Variants in XKR4 observed in about 807,000 individuals in gnomAD.
The protein encoded by XKR4 is XK related 4.
XKR4 carries 12 observed loss-of-function variants against 53.9 expected under a neutral mutation model. The ratio of observed to expected loss-of-function variants is 0.22; its 90% CI spans 0.14 to 0.36. The LOEUF (loss-of-function observed/expected upper bound fraction) is 0.36. Among genes scored for constraint, XKR4 ranks in the 10% least tolerant of loss-of-function variants. The pLI is 1.00. For missense variants in XKR4, 799 were observed against 859.5 expected (o/e 0.93, Z 0.88); for synonymous variants, 354 against 362.4 (o/e 0.98, Z 0.26).
At chr8:55,111,370 C>T (rs1450903148) in intron 1 of XKR4, among the ~76,000 whole-genome samples, 1 of 152,116 alleles carries the variant, frequency 6.6e-6, no homozygotes, top group Admixed American at 6.6e-5. Context: ...TTTTCACTTG[C>T]CTAGTACCTA....
At chr8:55,129,429 C>T (rs1444051227) in intron 1 of XKR4, among the ~76,000 whole-genome samples, 1 of 152,208 alleles carries the variant, frequency 6.6e-6, no homozygotes, top group Non-Finnish European at 1.5e-5. Context: ...GTTACAGTTA[C>T]ATTTCAGTTT....
chr8:55,472,929 T>A (rs1805912492), intron 2 of XKR4, among the ~76,000 whole-genome samples: 1 of 152,006 alleles, frequency 6.6e-6, no homozygotes, highest in Non-Finnish European at 1.5e-5. Context: ...CTTCTAATTT[T>A]TATACTTTCC....
intron 2 of XKR4, among the ~76,000 whole-genome samples, chr8:55,484,909 A>C (rs1040197109): frequency 2.0e-5 from 3 of 152,192 alleles, no homozygotes; most frequent in Non-Finnish European, 2.9e-5. Context: ...TCAGTCCCAG[A>C]CTGGGACTAT....
At chr8:55,187,389 CT>C (rs1174291012) in intron 1 of XKR4, among the ~76,000 whole-genome samples, 1 of 149,750 alleles carries the variant, frequency 6.7e-6, no homozygotes, top group Non-Finnish European at 1.5e-5. Context: ...CATAGATACA[CT>C]AAAAAGTGGG....
chr8:55,283,430 T>C (rs2129374207), intron 1 of XKR4, among the ~76,000 whole-genome samples: 1 of 152,354 alleles, frequency 6.6e-6, no homozygotes, highest in South Asian at 2.1e-4. Flanking sequence ...GTCAACTTTG[T>C]ACATTAACAC....
At chr8:55,283,571 T>C (rs1299238258) in intron 1 of XKR4, among the ~76,000 whole-genome samples, 2 of 152,232 alleles carry the variant, frequency 1.3e-5, no homozygotes, top group Non-Finnish European at 2.9e-5. Context: ...AGCACTCGAA[T>C]AGAAACCACC....
At chr8:55,339,144 G>A (rs932534607) in intron 1 of XKR4, among the ~76,000 whole-genome samples, 1 of 152,152 alleles carries the variant, frequency 6.6e-6, no homozygotes, top group Admixed American at 6.5e-5. Flanking sequence ...AATTTTCCTG[G>A]ACTGGAAACG....
rs536923279 is a variant in XKR4 at position 55,394,513 on chromosome 8, C to T, written c.1006+36636C>T. Among the ~76,000 whole-genome samples, 72 of 152,196 alleles carry T rather than the reference C, an allele frequency of 4.7e-4. 1 individual carries two copies. Among genetic ancestry groups the T allele is most frequent in the African/African-American group, 1.5e-3 (63 of 41,528 alleles). On this transcript the variant is annotated intron_variant, in intron 2 of 2. Transcript: ENST00000327381. ...AATAAGACATGGTTTTGACTTACAC[C>T]GTACACTGATTCATAGAACAAATAA...
chr8:55,208,761 A>G (rs972029432), intron 1 of XKR4, among the ~76,000 whole-genome samples: 1 of 152,094 alleles, frequency 6.6e-6, no homozygotes, highest in African/African-American at 2.4e-5. Flanking sequence ...CACCACACCC[A>G]GCCTAGTTTG....
intron 2 of XKR4, among the ~76,000 whole-genome samples, chr8:55,399,363 CTCTT>C (rs1169874606): frequency 6.6e-6 from 1 of 152,236 alleles, no homozygotes; most frequent in Non-Finnish European, 1.5e-5. Context: ...CTTACAGTCA[CTCTT>C]TCTGGAATGC....
chr8:55,516,172 G>A (rs1369975569), intron 2 of XKR4, among the ~76,000 whole-genome samples: 2 of 152,118 alleles, frequency 1.3e-5, no homozygotes, highest in African/African-American at 4.8e-5. Flanking sequence ...CCCAACAAAT[G>A]CTTGTTCCTT....
intron 2 of XKR4, among the ~76,000 whole-genome samples, chr8:55,364,635 GT>G (rs367829570): frequency 1.3e-5 from 2 of 151,608 alleles, no homozygotes; most frequent in Non-Finnish European, 2.9e-5. Flanking sequence ...TTTTGTTGGG[GT>G]TTTTTTTGTT....
chr8:55,309,179 C>T (rs1042901860), intron 1 of XKR4, among the ~76,000 whole-genome samples: 5 of 152,184 alleles, frequency 3.3e-5, no homozygotes, highest in African/African-American at 9.6e-5. Flanking sequence ...TGTGGAAATT[C>T]ATTACAGCAG....
chr8:55,504,187 TTTTTGTTTTGTTTTG>T (rs34175312), intron 2 of XKR4, among the ~76,000 whole-genome samples: 42 of 146,012 alleles, frequency 2.9e-4, no homozygotes, highest in Admixed American at 4.8e-4. Context: ...GTTGTTGTTG[TTTTTGTTTTGTTTTG>T]TTTTGTTTTG....
intron 1 of XKR4, among the ~76,000 whole-genome samples, chr8:55,304,718 T>C (rs2129377380): frequency 6.6e-6 from 1 of 152,330 alleles, no homozygotes; most frequent in South Asian, 2.1e-4. Flanking sequence ...TAGATAGCTC[T>C]TCTTGTTGAA....
intron 2 of XKR4, among the ~76,000 whole-genome samples, chr8:55,431,255 C>T (rs1019609236): frequency 1.3e-5 from 2 of 152,128 alleles, no homozygotes; most frequent in Non-Finnish European, 2.9e-5. Context: ...TATCTAAGTG[C>T]CTCTGTTTGC....
At chr8:55,191,133 T>C (rs1316405987) in intron 1 of XKR4, among the ~76,000 whole-genome samples, 3 of 152,180 alleles carry the variant, frequency 2.0e-5, no homozygotes, top group Non-Finnish European at 2.9e-5. Context: ...GGAGGACTTC[T>C]GAGGGATCCT....
chr8:55,258,517 G>C (rs1315979095), intron 1 of XKR4, among the ~76,000 whole-genome samples: 3 of 152,166 alleles, frequency 2.0e-5, no homozygotes, highest in South Asian at 4.1e-4. Context: ...CCTTCCTACA[G>C]TTATGAGAAA....
Position 55,310,413 on chromosome 8 carries a change from A to G in XKR4, c.807-47265A>G, listed in dbSNP as rs146896370. On this transcript the variant is annotated intron_variant, in intron 1 of 2. Transcript: ENST00000327381. ...TATAGAACATTGTGAGTTTCAAATG[A>G]AACAATGTATATGTCATTTAGCATA... is the stretch of plus-strand genomic sequence containing the variant. 7.4e-4 allele frequency among the ~76,000 whole-genome samples: 112 copies of G among 152,368 alleles called. No homozygotes were observed. In the East Asian group the frequency reaches 0.019, roughly 26 times the overall value.
Sources: gnomAD v4.1 joint callset for allele counts (sites outside exome capture counted in the v4.1 genomes callset) on GRCh38, gnomAD v4.1.1 for gene constraint, MANE v1.5 for transcripts, NCBI Gene and HGNC (gene_info 2026-07-23, HGNC 2026-07-21) for gene names.